The following IRF8 variants were observed in gnomAD, a reference collection of about 807,000 sequenced individuals.
IRF8 encodes the protein interferon consensus sequence binding protein 1.
In IRF8, 14 loss-of-function variants were observed where a neutral mutation model predicts 48.7. The ratio of observed to expected loss-of-function variants is 0.29; its 90% CI spans 0.19 to 0.45. The LOEUF (loss-of-function observed/expected upper bound fraction) is 0.45. IRF8 is among the 20% of genes least tolerant of loss of function. The probability of loss-of-function intolerance (pLI) is 1.00; values close to 1 mark genes in which losing one functional copy is unlikely to be tolerated. For missense variants in IRF8, 493 were observed against 580.7 expected (o/e 0.85, Z 1.55); for synonymous variants, 278 against 227.3 (o/e 1.22, Z -2.01).
At chr16:85,907,524 A>G (rs145162451) in intron 2 of IRF8, among the ~76,000 whole-genome samples, 330 of 152,286 alleles carry the variant, frequency 2.2e-3, no homozygotes, top group African/African-American at 7.4e-3. Flanking sequence ...CTAAAAATAC[A>G]AAAATTAGCT....
At chr16:85,902,887 T>C (rs1481525856) in intron 1 of IRF8, 128 bp from the exon 2 acceptor site, 1 of 970,748 alleles carries the variant, frequency 1.0e-6, no homozygotes, top group Admixed American at 1.7e-5. Flanking sequence ...AGTCCCTGAA[T>C]CTGTGGGTTT....
rs751261768 is a variant in IRF8, at chr16:85,903,080, T to A, written c.65T>A (p.Met22Lys). ...CTGATCGAGCAGATTGACAGTAGCATGTATCCAGGACTGATTTGGGAGAAT... is the reference window on the plus strand; with the variant it reads ...CTGATCGAGCAGATTGACAGTAGCAAGTATCCAGGACTGATTTGGGAGAAT... Reference protein sequence around the residue: ...QWLIEQIDSSMYPGLIWENEE... With the variant: ...QWLIEQIDSSKYPGLIWENEE... The change falls in exon 2 of 9, where the codon ATG becomes AAG. Residue 22 changes from methionine (M) to lysine (K), a missense_variant. This residue lies in a region of IRF8 where 54 missense variants were observed against 59.9 expected (regional missense o/e 0.90). Transcript: ENST00000268638. 1 of 1,614,112 alleles carries A rather than the reference T, an allele frequency of 6.2e-7. No individual in the cohort carries two copies. The highest frequency in any genetic ancestry group is 1.3e-5 in the African/African-American group (1 of 74,924).
chr16:85,914,195 A>C, intron 5 of IRF8: 1 of 495,834 alleles, frequency 2.0e-6, no homozygotes, highest in Non-Finnish European at 3.7e-6. Flanking sequence ...GTGGGAAGGA[A>C]ATGTGGCCCC....
chr16:85,906,971 T>A (rs986886386), intron 2 of IRF8, among the ~76,000 whole-genome samples: 3 of 152,198 alleles, frequency 2.0e-5, no homozygotes, highest in African/African-American at 7.2e-5. Flanking sequence ...AATTTGAAAC[T>A]ACAGTTGATT....
At chr16:85,921,034 A>T in intron 8 of IRF8, 72 bp from the exon 9 acceptor site, 1 of 1,473,792 alleles carries the variant, frequency 6.8e-7, no homozygotes, top group Admixed American at 1.9e-5. Flanking sequence ...GGACCTGGCT[A>T]GGGTCAAAGA....
At chr16:85,914,427 A>G (rs375972012) in intron 5 of IRF8, 46 bp from the exon 6 acceptor site, 283 of 1,613,220 alleles carry the variant, frequency 1.8e-4, no homozygotes, top group South Asian at 8.1e-4. Flanking sequence ...CTCCCTGTAC[A>G]CCACACCTGG....
chr16:85,920,183 C>A lies in IRF8; in HGVS notation c.1063C>A (p.Pro355Thr), dbSNP rs769576986. The A allele has an allele frequency of 1.9e-6, 3 of 1,610,576 alleles. No individual in the cohort carries two copies. Among genetic ancestry groups the A allele is most frequent in the East Asian group, 4.5e-5 (2 of 44,676 alleles). ...GGTGCTGTGCTTTGGGGAAGAGTTTCCGGATATGGCCCCCTTGCGCTCCAA... is the reference window on the plus strand; with the variant it reads ...GGTGCTGTGCTTTGGGGAAGAGTTTACGGATATGGCCCCCTTGCGCTCCAA... ...RVVLCFGEEF[P>T]DMAPLRSKLI... Residue 355 changes from proline (P) to threonine (T), a missense_variant, in exon 8 of 9, where the codon CCG becomes ACG. Coordinates refer to ENST00000268638, the MANE Select transcript of IRF8 (RefSeq NM_002163.4).
chr16:85,906,286 G>A (rs1904998869), intron 2 of IRF8, among the ~76,000 whole-genome samples: 1 of 152,262 alleles, frequency 6.6e-6, no homozygotes. Context: ...TGCGTCAACA[G>A]GAGAAATAAG....
At chr16:85,902,880 C>T in intron 1 of IRF8, 135 bp from the exon 2 acceptor site, 1 of 898,002 alleles carries the variant, frequency 1.1e-6, no homozygotes, top group Admixed American at 1.7e-5. Flanking sequence ...GTCCCGGAGT[C>T]CCTGAATCTG....
rs138806285 is a variant in IRF8 at position 85,905,844 on chromosome 16, G to C, written c.174+2655G>C. Among the ~76,000 whole-genome samples the C allele has an allele frequency of 6.4e-4, 98 of 152,312 alleles. 3 individuals carry two copies. In the East Asian group the frequency reaches 0.018, roughly 28 times the overall value. ...GAAATTTATGAGTTTGGTTTCTTCCGTAATAAGTGGATGGTAAAAGGGGCC... is the reference window on the plus strand; with the variant it reads ...GAAATTTATGAGTTTGGTTTCTTCCCTAATAAGTGGATGGTAAAAGGGGCC... On this transcript the variant is annotated intron_variant, in intron 2 of 8. Transcript: ENST00000268638.
rs377675781 is a variant in IRF8 at position 85,921,301 on chromosome 16, C to G, written c.*19C>G. 5.0e-6 allele frequency: 8 copies of G among 1,611,570 alleles called. No homozygotes were observed. The African/African-American group carries it at 8.0e-5, about 16-fold the overall frequency. ...CGTCTAAGTGCGTCGCTTGGGCGCC[C>G]CACCCCGTCTGCGTCCTGCATCCAT... On this transcript the variant is annotated 3_prime_UTR_variant, in exon 9 of 9. Transcript: ENST00000268638.
At chr16:85,902,350 G>C (rs1305317044) in intron 1 of IRF8, among the ~76,000 whole-genome samples, 3 of 152,210 alleles carry the variant, frequency 2.0e-5, no homozygotes. Context: ...GTAGTGTTTT[G>C]TTAGCTGCAT....
chr16:85,900,605 C>T (rs780483372), intron 1 of IRF8, among the ~76,000 whole-genome samples: 5 of 152,164 alleles, frequency 3.3e-5, no homozygotes, highest in Admixed American at 2.0e-4. Flanking sequence ...AATAAGCTGC[C>T]GCTGGCGTTG....
chr16:85,912,227 C>T (rs1326618107), intron 4 of IRF8, among the ~76,000 whole-genome samples: 1 of 152,208 alleles, frequency 6.6e-6, no homozygotes, highest in African/African-American at 2.4e-5. Context: ...CCTCCTTAGG[C>T]AAGAATACAT....
chr16:85,901,714 C>G (rs891334479), intron 1 of IRF8, among the ~76,000 whole-genome samples: 1 of 152,196 alleles, frequency 6.6e-6, no homozygotes, highest in African/African-American at 2.4e-5. Context: ...CTCCTCCTCC[C>G]TGGGACCTGG....
intron 1 of IRF8, 111 bp downstream of exon 1, chr16:85,899,334 G>A (rs2152097177): frequency 6.6e-6 from 1 of 152,368 alleles, no homozygotes; most frequent in Admixed American, 6.5e-5. Flanking sequence ...ATGTCCCCGG[G>A]CGCAGCTCAG....
At chr16:85,913,470 G>C (rs961173507) in intron 5 of IRF8, among the ~76,000 whole-genome samples, 1 of 152,178 alleles carries the variant, frequency 6.6e-6, no homozygotes. Flanking sequence ...CAAGCTGCTT[G>C]TTCCCTAGGT....
At chr16:85,900,490 T>C (rs1904794966) in intron 1 of IRF8, among the ~76,000 whole-genome samples, 1 of 152,260 alleles carries the variant, frequency 6.6e-6, no homozygotes. Flanking sequence ...AGGCTTTTGA[T>C]GTTACTTAGA....
At chr16:85,902,339 G>A (rs1904850212) in intron 1 of IRF8, among the ~76,000 whole-genome samples, 1 of 152,186 alleles carries the variant, frequency 6.6e-6, no homozygotes, top group Non-Finnish European at 1.5e-5. Context: ...AACCAGTACA[G>A]GTAGTGTTTT....
Sources: allele counts gnomAD v4.1 joint callset (sites outside exome capture counted in the v4.1 genomes callset), GRCh38; gene constraint gnomAD v4.1.1; regional missense constraint gnomAD v4.1.1; transcripts MANE v1.5; gene names NCBI Gene and HGNC (gene_info 2026-07-23, HGNC 2026-07-21).